Variants in RXFP1 observed in about 807,000 individuals in gnomAD.
RXFP1 encodes the protein relaxin family peptide receptor 1, also known as relaxin receptor 1.
A neutral mutation model predicts 89.8 loss-of-function variants in RXFP1; 73 were observed. That is an observed-to-expected ratio of 0.81 (90% CI 0.67 to 0.99). The LOEUF (loss-of-function observed/expected upper bound fraction) is 0.99. Ranked by LOEUF, RXFP1 falls within the 50% of genes least tolerant of loss-of-function variation. The probability of loss-of-function intolerance (pLI) is 0.00; values close to 1 mark genes in which losing one functional copy is unlikely to be tolerated. For missense variants in RXFP1, 793 were observed against 895.5 expected (o/e 0.89, Z 1.46); for synonymous variants, 277 against 305.5 (o/e 0.91, Z 0.97).
At chr4:158,549,748 G>A (rs961605034) in intron 1 of RXFP1, among the ~76,000 whole-genome samples, 2 of 152,328 alleles carry the variant, frequency 1.3e-5, no homozygotes, top group African/African-American at 4.8e-5. Context: ...ATCAGCAGCA[G>A]TGGCTGTAGA....
At chr4:158,551,165 A>G (rs1378870498) in intron 1 of RXFP1, among the ~76,000 whole-genome samples, 1 of 152,216 alleles carries the variant, frequency 6.6e-6, no homozygotes, top group African/African-American at 2.4e-5. Flanking sequence ...ATTTGTGACA[A>G]CATGGATGAA....
rs1335015355 is a variant in RXFP1 at position 158,644,984 on chromosome 4, A to G, written c.1191A>G (p.Ser397=). 7.4e-6 allele frequency: 12 copies of G among 1,614,164 alleles called. No individual in the cohort carries two copies. Among genetic ancestry groups the G allele is most frequent in the Non-Finnish European group, 9.3e-6 (11 of 1,179,990 alleles). Residue 397 remains serine (S), a synonymous_variant, in exon 15 of 18, where the codon TCA becomes TCG. Transcript: ENST00000307765. ...GTAAACCAAACACTGATGGAATTTCATCTCTAGAGAATCTCTTGGCAAGCA... is the reference window on the plus strand; with the variant it reads ...GTAAACCAAACACTGATGGAATTTCGTCTCTAGAGAATCTCTTGGCAAGCA... ...RSCKPNTDGI[S]SLENLLASII...
chr4:158,639,301 T>C lies in RXFP1; in HGVS notation c.1085T>C (p.Met362Thr), dbSNP rs1465055185. 3 of 1,569,482 alleles carry C rather than the reference T, an allele frequency of 1.9e-6. No homozygotes were observed. The highest frequency in any genetic ancestry group is 2.2e-5 in the East Asian group (1 of 44,540). ...GAAATTTCAAATATCCAACAAAGGA[T>C]GTTTAGACCTCTTATGAATCTCTCT... Reference protein sequence around the residue: ...GIEISNIQQRMFRPLMNLSHI... With the variant: ...GIEISNIQQRTFRPLMNLSHI... Residue 362 changes from methionine (M) to threonine (T), a missense_variant, in exon 14 of 18, where the codon ATG (methionine) becomes ACG (threonine). Transcript: ENST00000307765.
At chr4:158,608,279 CTTTTTTTTTTTTTTTT>C (rs756131500) in intron 6 of RXFP1, among the ~76,000 whole-genome samples, 1 of 76,102 alleles carries the variant, frequency 1.3e-5, no homozygotes, top group African/African-American at 6.5e-5. Flanking sequence ...GTATTCCTTT[CTTTTTTTTTTTTTTTT>C]TTTTTTTTTT....
intron 17 of RXFP1, 26 bp from the exon 18 acceptor site, chr4:158,651,731 A>G (rs769632304): frequency 4.8e-5 from 75 of 1,557,156 alleles, no homozygotes; most frequent in Non-Finnish European, 6.4e-5. Flanking sequence ...TATAAACACT[A>G]AAACTATTTC....
rs1174047009 is a variant in RXFP1, at chr4:158,524,616, G to T, written c.49+2591G>T. Reference sequence around the variant, plus strand: ...TGTCCATAGTCTAATTAATTGTATTGTGCCAATGTTAATTTTTTAGTTTTG... The same window carrying T: ...TGTCCATAGTCTAATTAATTGTATTTTGCCAATGTTAATTTTTTAGTTTTG... On this transcript the variant is annotated intron_variant, in intron 1 of 17. Transcript: ENST00000307765. Among the ~76,000 whole-genome samples the T allele has an allele frequency of 2.6e-5, 4 of 152,066 alleles. No homozygotes were observed. In the East Asian group the frequency reaches 7.7e-4, roughly 29 times the overall value.
chr4:158,571,316 GTCT>G (rs1262609895), intron 1 of RXFP1, among the ~76,000 whole-genome samples: 1 of 152,100 alleles, frequency 6.6e-6, no homozygotes, highest in Non-Finnish European at 1.5e-5. Context: ...TATCCTCTAT[GTCT>G]TCTTGTTTCT....
intron 1 of RXFP1, among the ~76,000 whole-genome samples, chr4:158,551,964 A>T (rs753246121): frequency 1.3e-4 from 20 of 152,156 alleles, no homozygotes; most frequent in African/African-American, 4.6e-4. Flanking sequence ...AAATAAAGAA[A>T]TTTTTAAAAA....
intron 1 of RXFP1, among the ~76,000 whole-genome samples, chr4:158,552,150 G>T (rs1421325216): frequency 1.3e-5 from 2 of 152,140 alleles, no homozygotes; most frequent in African/African-American, 2.4e-5. Flanking sequence ...TGGAAATGCT[G>T]TTAAGAAGAA....
chr4:158,648,471 T>C, intron 16 of RXFP1, 28 bp from the exon 17 acceptor site: 1 of 1,307,840 alleles, frequency 7.6e-7, no homozygotes, highest in Non-Finnish European at 1.1e-6. Context: ...TTTCTATGCA[T>C]TAATAATACT....
chr4:158,546,293 T>C (rs1030903333), intron 1 of RXFP1, among the ~76,000 whole-genome samples: 1 of 152,232 alleles, frequency 6.6e-6, no homozygotes, highest in African/African-American at 2.4e-5. Flanking sequence ...TTTTCATACA[T>C]TGATTTTGTA....
intron 1 of RXFP1, among the ~76,000 whole-genome samples, chr4:158,534,509 A>G: frequency 6.6e-6 from 1 of 152,100 alleles, no homozygotes; most frequent in Non-Finnish European, 1.5e-5. Context: ...GGCCTCCCAA[A>G]GTGCTGGGAT....
chr4:158,610,482 T>C lies in RXFP1; in HGVS notation c.537-1648T>C, dbSNP rs182390704. 211 of 380,974 alleles carry C rather than the reference T, an allele frequency of 5.5e-4. 1 individual carries two copies. The East Asian group carries it at 0.014, about 26-fold the overall frequency. The allele number at this position is 380,974 out of a possible 1,614,324, so 23.6% of individuals were successfully genotyped here. ...TCACTGGGGAGAGGCAGGACTCCTGTTCTCTAGAAGTTTATGATCTAAGAT... is the reference window on the plus strand; with the variant it reads ...TCACTGGGGAGAGGCAGGACTCCTGCTCTCTAGAAGTTTATGATCTAAGAT... On this transcript the variant is annotated intron_variant, in intron 6 of 17. Transcript: ENST00000307765.
At chr4:158,582,552 AC>A (rs941539975) in intron 2 of RXFP1, among the ~76,000 whole-genome samples, 2 of 151,768 alleles carry the variant, frequency 1.3e-5, no homozygotes, top group African/African-American at 4.8e-5. Flanking sequence ...CATCTGCAGC[AC>A]TCTGGGGCTC....
intron 14 of RXFP1, among the ~76,000 whole-genome samples, chr4:158,640,885 C>T (rs1363249536): frequency 6.6e-6 from 1 of 152,178 alleles, no homozygotes; most frequent in East Asian, 1.9e-4. Flanking sequence ...AGCAAGCGTG[C>T]ATGGATGAAA....
chr4:158,543,735 T>C (rs1747442296), intron 1 of RXFP1: 1 of 982,394 alleles, frequency 1.0e-6, no homozygotes, highest in African/African-American at 1.8e-5. Flanking sequence ...TCCTGAAGAA[T>C]GAACTTTCAA....
chr4:158,559,615 C>T (rs551851899), intron 1 of RXFP1, among the ~76,000 whole-genome samples: 35 of 152,150 alleles, frequency 2.3e-4, no homozygotes, highest in African/African-American at 7.2e-4. Flanking sequence ...GACAAGCATC[C>T]GTGAGTTATA....
chr4:158,587,043 A>G (rs1012507020), intron 2 of RXFP1, among the ~76,000 whole-genome samples: 2 of 152,216 alleles, frequency 1.3e-5, no homozygotes, highest in Non-Finnish European at 2.9e-5. Context: ...GCAGTGAAAC[A>G]TTACCCACAA....
chr4:158,623,425 C>T (rs569698412), intron 9 of RXFP1, among the ~76,000 whole-genome samples: 7 of 142,420 alleles, frequency 4.9e-5, no homozygotes, highest in African/African-American at 1.8e-4. Context: ...TCACTTGAAT[C>T]CAGGAAGCAG....
Sources: gnomAD v4.1 joint callset for allele counts (sites outside exome capture counted in the v4.1 genomes callset) on GRCh38, gnomAD v4.1.1 for gene constraint, MANE v1.5 for transcripts, NCBI Gene and HGNC (gene_info 2026-07-23, HGNC 2026-07-21) for gene names.